Variants in KLHL1 observed in about 807,000 individuals in gnomAD.
The protein encoded by KLHL1 is kelch like family member 1.
Under a neutral mutation model 77.7 loss-of-function variants are expected in KLHL1, and 47 were observed. That is an observed-to-expected ratio of 0.60 (90% confidence interval 0.48 to 0.77). The LOEUF is 0.77. KLHL1 is among the 30% of genes least tolerant of loss of function. KLHL1 has a pLI of 0.00. For missense variants in KLHL1, 925 were observed against 910.8 expected (o/e 1.02, Z -0.20); for synonymous variants, 360 against 325.2 (o/e 1.11, Z -1.15).
At chr13:69,804,718 T>C (rs1345938197) in intron 6 of KLHL1, among the ~76,000 whole-genome samples, 1 of 152,118 alleles carries the variant, frequency 6.6e-6, no homozygotes, top group Non-Finnish European at 1.5e-5. Flanking sequence ...TTATGGTTAT[T>C]AAACAACAGC....
At chr13:69,794,649 T>C (rs1049697960) in intron 7 of KLHL1, among the ~76,000 whole-genome samples, 6 of 151,220 alleles carry the variant, frequency 4.0e-5, no homozygotes, top group East Asian at 1.9e-4. Flanking sequence ...GAATTTGAAA[T>C]AGGAACAGTA....
At chr13:69,821,552 T>A (rs1878336380) in intron 6 of KLHL1, among the ~76,000 whole-genome samples, 1 of 152,106 alleles carries the variant, frequency 6.6e-6, no homozygotes, top group Admixed American at 6.6e-5. Flanking sequence ...TGACCTCAGC[T>A]GATCCGCCCT....
chr13:69,977,670 G>A (rs528013711), intron 1 of KLHL1, among the ~76,000 whole-genome samples: 9 of 152,122 alleles, frequency 5.9e-5, no homozygotes, highest in African/African-American at 2.2e-4. Flanking sequence ...CGTTTTAATC[G>A]TATAGAAACA....
intron 6 of KLHL1, among the ~76,000 whole-genome samples, chr13:69,821,487 G>T (rs578091805): frequency 6.6e-6 from 1 of 151,816 alleles, no homozygotes; most frequent in East Asian, 1.9e-4. Flanking sequence ...GCTAATTTTT[G>T]CATTTTTAGT....
chr13:70,066,350 T>C (rs1887005039), intron 1 of KLHL1, among the ~76,000 whole-genome samples: 1 of 152,170 alleles, frequency 6.6e-6, no homozygotes, highest in Non-Finnish European at 1.5e-5. Flanking sequence ...CTTTATTGAA[T>C]ACCTACTATA....
intron 1 of KLHL1, among the ~76,000 whole-genome samples, chr13:70,078,219 G>T (rs1205071906): frequency 6.6e-6 from 1 of 151,398 alleles, no homozygotes; most frequent in Non-Finnish European, 1.5e-5. Flanking sequence ...GAGATTCTTA[G>T]ACCACTTAAG....
At chr13:69,716,943 T>C (rs1872788205) in intron 9 of KLHL1, among the ~76,000 whole-genome samples, 1 of 152,126 alleles carries the variant, frequency 6.6e-6, no homozygotes, top group South Asian at 2.1e-4. Flanking sequence ...ACCAAGATGC[T>C]CTTACTAGGG....
At chr13:69,896,676 T>A (rs1881653727) in intron 4 of KLHL1, among the ~76,000 whole-genome samples, 1 of 151,922 alleles carries the variant, frequency 6.6e-6, no homozygotes. Flanking sequence ...TAAAATTTTT[T>A]TTTTTTTTTT....
intron 4 of KLHL1, among the ~76,000 whole-genome samples, chr13:69,934,945 C>T (rs1224391495): frequency 1.5e-5 from 2 of 130,574 alleles, no homozygotes; most frequent in East Asian, 2.8e-4. Context: ...TAAAATTTAC[C>T]GTGTGTGTGT....
chr13:69,800,616 TTAA>T (rs1482560862), intron 6 of KLHL1, among the ~76,000 whole-genome samples: 5 of 152,188 alleles, frequency 3.3e-5, no homozygotes, highest in African/African-American at 4.8e-5. Flanking sequence ...ATGAAAATTA[TTAA>T]TAATAATATC....
intron 10 of KLHL1, 82 bp from the exon 11 acceptor site, chr13:69,701,843 G>T: frequency 1.0e-6 from 1 of 999,588 alleles, no homozygotes; most frequent in Non-Finnish European, 1.5e-6. Context: ...TTATCTACAT[G>T]AAAATCATAA....
intron 1 of KLHL1, among the ~76,000 whole-genome samples, chr13:70,057,288 T>C (rs562676202): frequency 5.9e-5 from 9 of 152,042 alleles, no homozygotes; most frequent in Admixed American, 3.9e-4. Flanking sequence ...GGGGCTGTAA[T>C]AAAATGTTTC....
chr13:69,961,437 G>C lies in KLHL1; in HGVS notation c.688C>G (p.Leu230Val). ...NRKIPAHRLV[L>V]SSVSDYFAAM... ...GCAAAATAGTCGGAGACTGAACTCA[G>C]AACAAGCCTGAAAGAGTCACAGGTT... The change falls in exon 3 of 11, where the codon CTG (leucine) becomes GTG (valine). Residue 230 changes from leucine (L) to valine (V), a missense_variant. Coordinates refer to ENST00000377844, the MANE Select transcript of KLHL1 (RefSeq NM_020866.3). 2 of 1,612,672 alleles carry C rather than the reference G, an allele frequency of 1.2e-6. No individual in the cohort carries two copies. The highest frequency in any genetic ancestry group is 1.7e-6 in the Non-Finnish European group (2 of 1,179,192).
chr13:70,059,503 A>C (rs1196505524), intron 1 of KLHL1, among the ~76,000 whole-genome samples: 1 of 152,148 alleles, frequency 6.6e-6, no homozygotes. Flanking sequence ...CCTCATAAGC[A>C]CAGGAAATCA....
intron 7 of KLHL1, among the ~76,000 whole-genome samples, chr13:69,785,389 C>A (rs1461777483): frequency 6.6e-6 from 1 of 152,144 alleles, no homozygotes; most frequent in Non-Finnish European, 1.5e-5. Flanking sequence ...ACTGAACAAC[C>A]TGCTCCTCAA....
At chr13:70,055,213 C>T (rs527658189) in intron 1 of KLHL1, among the ~76,000 whole-genome samples, 71 of 152,038 alleles carry the variant, frequency 4.7e-4, no homozygotes, top group Non-Finnish European at 7.9e-4. Flanking sequence ...GCAATACATC[C>T]GGCAGCTGAC....
intron 1 of KLHL1, among the ~76,000 whole-genome samples, chr13:69,990,159 T>A (rs1884989030): frequency 6.6e-6 from 1 of 151,988 alleles, no homozygotes; most frequent in Non-Finnish European, 1.5e-5. Context: ...AACTGCCTTA[T>A]AAGAGCTCCT....
chr13:70,101,603 A>T (rs1887925210), intron 1 of KLHL1, among the ~76,000 whole-genome samples: 2 of 151,902 alleles, frequency 1.3e-5, no homozygotes, highest in Non-Finnish European at 2.9e-5. Context: ...TAATTTTTGT[A>T]TTTTTAGTAG....
In KLHL1 at chr13:69,788,773, C is replaced by T. The variant is rs1876702568; in HGVS notation, c.1639+7965G>A. On this transcript the variant is annotated intron_variant, in intron 7 of 10. Transcript: ENST00000377844. ...ATAAATACTTGGAGCTCCAGGTACA[C>T]AGAAGTGATGAATAAAATGAAGATT... Among the ~76,000 whole-genome samples the T allele has an allele frequency of 2.0e-5, 3 of 151,984 alleles. No homozygotes were observed. The South Asian group carries it at 6.2e-4, about 31-fold the overall frequency.
Sources: gnomAD v4.1 joint callset for allele counts (sites outside exome capture counted in the v4.1 genomes callset) on GRCh38, gnomAD v4.1.1 for gene constraint, MANE v1.5 for transcripts, NCBI Gene and HGNC (gene_info 2026-07-23, HGNC 2026-07-21) for gene names.